TECTA: variants seen among roughly 807,000 people sequenced by gnomAD.
TECTA encodes tectorin alpha.
TECTA carries 128 observed loss-of-function variants against 216.8 expected under a neutral mutation model. That is an observed-to-expected ratio of 0.59 (90% CI 0.51 to 0.68). The LOEUF is 0.68. Ranked by LOEUF, TECTA falls within the 30% of genes least tolerant of loss-of-function variation. The pLI, the probability that TECTA is intolerant of heterozygous loss-of-function variation, is 0.00. For missense variants in TECTA, 2,551 were observed against 2,786.2 expected, an observed-to-expected ratio of 0.92 and a Z score of 1.90; for synonymous variants, 1,089 against 1,117.1, an observed-to-expected ratio of 0.97 and a Z score of 0.50.
chr11:121,115,378 C>T (rs1300195015), intron 6 of TECTA, among the ~76,000 whole-genome samples: 1 of 152,214 alleles, frequency 6.6e-6, no homozygotes, highest in African/African-American at 2.4e-5. Flanking sequence ...TAAAGCTGCT[C>T]TAGCTACCAT....
At chr11:121,165,470 G>A in intron 17 of TECTA, 87 bp downstream of exon 17, 1 of 1,112,642 alleles carries the variant, frequency 9.0e-7, no homozygotes, top group Non-Finnish European at 1.3e-6. Flanking sequence ...CCCACTTTGT[G>A]AAGCTTTCCC....
At position 121,109,379 on chromosome 11, in the gene TECTA, A is replaced by C; in HGVS notation, c.367A>C (p.Lys123Gln). 6.2e-7 allele frequency: 1 copy of C among 1,614,192 alleles called. No individual in the cohort carries two copies. The highest frequency in any genetic ancestry group is 8.5e-7 in the Non-Finnish European group (1 of 1,180,038). The stretch of plus-strand genomic sequence containing the variant: ...AGAGACCATGGAGCCTGCCATCTTG[A>C]AAAGAGCCACCAAGGACATCAGGAA... ...YRETMEPAIL[K>Q]RATKDIRKYF... Residue 123 changes from lysine (K) to glutamine (Q), a missense_variant, in exon 4 of 24, where the codon AAA becomes CAA. By Grantham distance (53) the Lys-to-Gln change is moderately conservative (BLOSUM62 1). Around this residue, in one of 3 missense-constraint regions of TECTA, gnomAD observed 2,375 missense variants for 2,563.9 expected, o/e 0.93. Transcript: ENST00000392793.
In TECTA at chr11:121,130,102, C is replaced by A; in HGVS notation, c.2832C>A (p.Cys944Ter). 1.9e-6 allele frequency: 3 copies of A among 1,613,456 alleles called. No individual in the cohort carries two copies. Among genetic ancestry groups the A allele is most frequent in the Non-Finnish European group, 2.5e-6 (3 of 1,180,026 alleles). The change falls in exon 10 of 24, where the codon TGC (cysteine) becomes TGA (stop). Residue 944 changes from cysteine to a stop codon, truncating the protein, a stop_gained. Transcript: ENST00000392793. LOFTEE classifies it high-confidence loss of function. ...AYYRTCLFRL[C>*]QSGGNESELC... ...ACCGCACCTGCCTTTTCCGCCTGTG[C>A]CAGAGTGGGGGCAATGAGTCAGAGC... is the stretch of plus-strand genomic sequence containing the variant.
intron 1 of TECTA, among the ~76,000 whole-genome samples, chr11:121,102,296 C>T (rs1222545229): frequency 6.6e-6 from 1 of 152,206 alleles, no homozygotes; most frequent in Non-Finnish European, 1.5e-5. Flanking sequence ...AGAGACACAA[C>T]CCGGGACCTG....
rs2135067503 is a variant in TECTA, at chr11:121,118,593, T to C, written c.1078T>C (p.Phe360Leu). The C allele has an allele frequency of 1.9e-6, 3 of 1,614,174 alleles. No homozygotes were observed. Among genetic ancestry groups the C allele is most frequent in the Non-Finnish European group, 2.5e-6 (3 of 1,180,034 alleles). ...RQCLQTSSLP[F>L]FSVEAKNEHR... The stretch of plus-strand genomic sequence containing the variant: ...GTGTTTGCAGACTTCCAGCCTCCCT[T>C]TCTTCAGTGTGGAGGCCAAGAATGA... Residue 360 changes from phenylalanine (F) to leucine (L), a missense_variant, in exon 7 of 24, where the codon TTC becomes CTC. Phe to Leu is a conservative substitution (Grantham distance 22, BLOSUM62 0). Around this residue, in one of 3 missense-constraint regions of TECTA, gnomAD observed 2,375 missense variants for 2,563.9 expected, o/e 0.93. Coordinates refer to ENST00000392793, the MANE Select transcript of TECTA (RefSeq NM_005422.4).
At chr11:121,178,170 G>A (rs909924632) in intron 20 of TECTA, among the ~76,000 whole-genome samples, 16 of 152,176 alleles carry the variant, frequency 1.1e-4, no homozygotes, top group African/African-American at 2.9e-4. Context: ...GCTCGTGCAC[G>A]GTGCACTGCA....
Position 121,168,134 on chromosome 11 carries a change from C to G in TECTA, c.5667C>G (p.Asp1889Glu). The G allele has an allele frequency of 1.2e-6, 2 of 1,614,192 alleles. No individual in the cohort carries two copies. Among genetic ancestry groups the G allele is most frequent in the Non-Finnish European group, 1.7e-6 (2 of 1,180,034 alleles). Residue 1889 changes from aspartate to glutamate, a missense_variant, in exon 19 of 24, where the codon GAC (aspartate) becomes GAG (glutamate). This residue lies in a region of TECTA where 2,375 missense variants were observed against 2,563.9 expected (regional missense o/e 0.93). Transcript: ENST00000392793. Reference protein sequence around the residue: ...ANNTGNIITRDRTINVEFSCA... With the variant: ...ANNTGNIITRERTINVEFSCA... ...ACACTGGCAACATCATCACCAGGGA[C>G]CGCACGATCAATGTGGAATTTTCAT... is the stretch of plus-strand genomic sequence containing the variant.
chr11:121,174,883 T>C (rs558502652), intron 20 of TECTA, among the ~76,000 whole-genome samples: 1 of 152,218 alleles, frequency 6.6e-6, no homozygotes, highest in East Asian at 1.9e-4. Flanking sequence ...GTTACTGATC[T>C]GTTCAGAGAT....
At chr11:121,151,169 T>C (rs1456033190) in intron 12 of TECTA, among the ~76,000 whole-genome samples, 2 of 152,210 alleles carry the variant, frequency 1.3e-5, no homozygotes, top group Non-Finnish European at 2.9e-5. Context: ...AATTTGGTGA[T>C]AAGACAATCA....
chr11:121,190,761 G>T lies in TECTA; in HGVS notation c.6423G>T (p.Gln2141His), dbSNP rs1235135096. The change falls in exon 24 of 24, where the codon CAG becomes CAT. Residue 2141 changes from glutamine (Q) to histidine (H), a missense_variant. Gln to His is a conservative substitution (Grantham distance 24). Transcript: ENST00000392793. ...QVWTLLLIMIQISLWHFVYKS... is the reference protein window; with the variant it reads ...QVWTLLLIMIHISLWHFVYKS... ...GGACGCTTCTTCTCATCATGATCCAGATTTCATTATGGCATTTTGTCTATA... is the reference window on the plus strand; with the variant it reads ...GGACGCTTCTTCTCATCATGATCCATATTTCATTATGGCATTTTGTCTATA... 1.2e-6 allele frequency: 2 copies of T among 1,613,870 alleles called. No homozygotes were observed. The highest frequency in any genetic ancestry group is 1.7e-6 in the Non-Finnish European group (2 of 1,179,916).
intron 20 of TECTA, among the ~76,000 whole-genome samples, chr11:121,172,434 C>T (rs569510064): frequency 2.6e-4 from 40 of 151,908 alleles, no homozygotes; most frequent in Non-Finnish European, 4.3e-4. Context: ...TGAGAATATG[C>T]GGTGTTTGGT....
In TECTA at chr11:121,119,662, A is replaced by T. The variant is rs1946537979; in HGVS notation, c.1203+944A>T. On this transcript the variant is annotated intron_variant, in intron 7 of 23. Coordinates refer to ENST00000392793, the MANE Select transcript of TECTA (RefSeq NM_005422.4). ...CCCATGCATGGAGGTCATTACAGAG[A>T]TTACAAACCAGAACTGATGCCAATG... is the stretch of plus-strand genomic sequence containing the variant. Among the ~76,000 whole-genome samples the T allele has an allele frequency of 3.3e-5, 5 of 152,238 alleles. No homozygotes were observed. The South Asian group carries it at 1.0e-3, about 32-fold the overall frequency.
chr11:121,150,193 A>C (rs1946876314), intron 12 of TECTA, among the ~76,000 whole-genome samples: 2 of 152,238 alleles, frequency 1.3e-5, no homozygotes, highest in South Asian at 4.1e-4. Context: ...AAAGTTCAGA[A>C]ACAGGCCCAA....
At chr11:121,155,837 G>A (rs1161630845) in intron 13 of TECTA, among the ~76,000 whole-genome samples, 1 of 152,128 alleles carries the variant, frequency 6.6e-6, no homozygotes, top group Non-Finnish European at 1.5e-5. Context: ...TCTAGAGCAA[G>A]TGCAACATCA....
Position 121,125,344 on chromosome 11 carries a change from G to T in TECTA, c.1246G>T (p.Gly416Trp). Residue 416 changes from glycine (G) to tryptophan (W), a missense_variant, in exon 8 of 24, where the codon GGG becomes TGG. Gly to Trp is a radical substitution (Grantham distance 184, BLOSUM62 -2). Around this residue, in one of 3 missense-constraint regions of TECTA, gnomAD observed 2,375 missense variants for 2,563.9 expected, o/e 0.93. Transcript: ENST00000392793. ...VTSLPVTLDL[G>W]TVKIYQSGIS... ...TTCTTTGCCTGTCACCTTAGACTTG[G>T]GGACAGTGAAAATCTACCAGAGTGG... 6.2e-7 allele frequency: 1 copy of T among 1,614,072 alleles called. No homozygotes were observed. Among genetic ancestry groups the T allele is most frequent in the Non-Finnish European group, 8.5e-7 (1 of 1,180,042 alleles).
intron 9 of TECTA, among the ~76,000 whole-genome samples, 176 bp from the exon 10 acceptor site, chr11:121,129,462 A>G (rs1158202022): frequency 6.6e-6 from 1 of 152,236 alleles, no homozygotes; most frequent in African/African-American, 2.4e-5. Context: ...GAATCCAAAA[A>G]GAAATAAATA....
At chr11:121,183,666 G>T (rs1947253750) in intron 20 of TECTA, among the ~76,000 whole-genome samples, 1 of 152,174 alleles carries the variant, frequency 6.6e-6, no homozygotes, top group Non-Finnish European at 1.5e-5. Flanking sequence ...GGCAGAGGTT[G>T]CAGTGAGCTG....
rs1946652419 is a variant in TECTA, at chr11:121,129,769, G to A, written c.2499G>A (p.Leu833=). 5 of 1,614,206 alleles carry A rather than the reference G, an allele frequency of 3.1e-6. No homozygotes were observed. In the East Asian group the frequency reaches 1.1e-4, roughly 36 times the overall value. ...TCCAGTACTCAGACATAGGTCTATTGTACATCCGGCTGTCCACCACATACT... is the reference window on the plus strand; with the variant it reads ...TCCAGTACTCAGACATAGGTCTATTATACATCCGGCTGTCCACCACATACT... ...VTVQYSDIGL[L]YIRLSTTYFN... Residue 833 remains leucine (L), a synonymous_variant, in exon 10 of 24, where the codon TTG becomes TTA. Transcript: ENST00000392793.
intron 15 of TECTA, among the ~76,000 whole-genome samples, chr11:121,160,739 C>T (rs756227055): frequency 3.9e-5 from 6 of 152,172 alleles, no homozygotes; most frequent in Non-Finnish European, 5.9e-5. Context: ...GACCTAGGCA[C>T]CTCTGCTGGG....
Sources: allele counts gnomAD v4.1 joint callset (sites outside exome capture counted in the v4.1 genomes callset), GRCh38; gene constraint gnomAD v4.1.1; regional missense constraint gnomAD v4.1.1; transcripts MANE v1.5; gene names NCBI Gene and HGNC (gene_info 2026-07-23, HGNC 2026-07-21).